Variants in SIAH1 observed in about 807,000 individuals in gnomAD.
SIAH1 encodes the protein siah E3 ubiquitin protein ligase 1.
A neutral mutation model predicts 20.0 loss-of-function variants in SIAH1; 2 were observed. The observed-to-expected ratio is 0.10, with a 90% confidence interval of 0.04 to 0.31. SIAH1 has a LOEUF of 0.31. Ranked by LOEUF, SIAH1 falls within the 10% of genes least tolerant of loss-of-function variation. SIAH1 has a pLI of 1.00. For synonymous variants in SIAH1, 118 were observed against 125.3 expected (o/e 0.94, Z 0.39); for missense variants, 119 against 355.3 (o/e 0.33, Z 5.35).
At chr16:48,365,567 A>T in intron 1 of SIAH1, 3 of 1,521,452 alleles carry the variant, frequency 2.0e-6, no homozygotes, top group Non-Finnish European at 1.8e-6. Flanking sequence ...CAGAAGACCC[A>T]AATTCGCGTC....
At chr16:48,370,940 G>T (rs1960970008) in intron 1 of SIAH1, among the ~76,000 whole-genome samples, 2 of 151,734 alleles carry the variant, frequency 1.3e-5, no homozygotes, top group Admixed American at 1.3e-4. Context: ...GTGGTAAAAA[G>T]TTGTCTCTAC....
At chr16:48,366,507 T>TAAGA (rs149188411) in intron 1 of SIAH1, among the ~76,000 whole-genome samples, 52 of 152,330 alleles carry the variant, frequency 3.4e-4, no homozygotes, top group African/African-American at 1.2e-3. Flanking sequence ...TTAAACCTCC[T>TAAGA]AAGAGATTAT....
intron 1 of SIAH1, among the ~76,000 whole-genome samples, chr16:48,384,784 T>C (rs1389979243): frequency 6.7e-6 from 1 of 150,346 alleles, no homozygotes; most frequent in Non-Finnish European, 1.5e-5. Flanking sequence ...ACCTCCGCCA[T>C]GTTGGCCGCA....
At chr16:48,364,529 A>G (rs1184734338) in intron 1 of SIAH1, among the ~76,000 whole-genome samples, 1 of 152,236 alleles carries the variant, frequency 6.6e-6, no homozygotes, top group Non-Finnish European at 1.5e-5. Context: ...GACTCAGAAC[A>G]TGAATCAACT....
chr16:48,367,801 G>A (rs578011268), intron 1 of SIAH1, among the ~76,000 whole-genome samples: 3 of 151,976 alleles, frequency 2.0e-5, no homozygotes, highest in Admixed American at 1.3e-4. Context: ...TTTACAAAAA[G>A]CTGAAAAGTT....
rs545578567 is a variant in SIAH1, at chr16:48,361,275, A to G, written c.*305T>C. On this transcript the variant is annotated 3_prime_UTR_variant, in exon 2 of 2. Transcript: ENST00000394725. ...CAAAAACAAACTTTTTCAACAATAC[A>G]ATCAATCTACAACAAACACAAAACT... 5 of 301,052 alleles carry G rather than the reference A, an allele frequency of 1.7e-5. No homozygotes were observed. Among genetic ancestry groups the G allele is most frequent in the Non-Finnish European group, 6.4e-6 (1 of 156,606 alleles). 18.6% of individuals were successfully genotyped at this position (301,052 alleles called of 1,614,324 possible). A position where few individuals can be genotyped will look rare whatever the true frequency, so the allele number is the denominator to read the frequency against.
intron 1 of SIAH1, chr16:48,365,536 G>T: frequency 6.3e-7 from 1 of 1,577,682 alleles, no homozygotes; most frequent in South Asian, 1.1e-5. Context: ...GCCCCTCCTG[G>T]GCTCTTTCTG....
chr16:48,382,361 G>A (rs1276460752), intron 1 of SIAH1, among the ~76,000 whole-genome samples: 1 of 151,864 alleles, frequency 6.6e-6, no homozygotes, highest in Admixed American at 6.6e-5. Context: ...TCCAGCCTGG[G>A]CAACATAGCA....
upstream of SIAH1, among the ~76,000 whole-genome samples, chr16:48,385,785 G>A (rs1961449378): frequency 2.0e-5 from 3 of 152,054 alleles, no homozygotes; most frequent in South Asian, 2.1e-4. Flanking sequence ...CCAGCGGGAT[G>A]CGAGCCCCAG....
At chr16:48,384,781 C>T (rs914207687) in intron 1 of SIAH1, among the ~76,000 whole-genome samples, 5 of 150,994 alleles carry the variant, frequency 3.3e-5, no homozygotes, top group Non-Finnish European at 7.4e-5. Context: ...CTGACCTCCG[C>T]CATGTTGGCC....
chr16:48,368,050 GAT>G, intron 1 of SIAH1, among the ~76,000 whole-genome samples: 1 of 152,316 alleles, frequency 6.6e-6, no homozygotes, highest in African/African-American at 2.4e-5. Flanking sequence ...ACAGTAGAAA[GAT>G]AAACTTTTAT....
At chr16:48,377,258 AAAAAC>A (rs954809072) in intron 1 of SIAH1, among the ~76,000 whole-genome samples, 2 of 152,338 alleles carry the variant, frequency 1.3e-5, no homozygotes, top group Non-Finnish European at 2.9e-5. Context: ...AAAAAAAACC[AAAAAC>A]AAAACAAAAC....
chr16:48,384,981 C>A (rs928046350), intron 1 of SIAH1, among the ~76,000 whole-genome samples: 2 of 146,286 alleles, frequency 1.4e-5, no homozygotes, highest in Non-Finnish European at 3.0e-5. Context: ...GCTCCAGGGG[C>A]GGGGGCGAGC....
At chr16:48,367,491 G>A (rs1960871715) in intron 1 of SIAH1, among the ~76,000 whole-genome samples, 1 of 152,194 alleles carries the variant, frequency 6.6e-6, no homozygotes, top group African/African-American at 2.4e-5. Flanking sequence ...ACCAGTTGTT[G>A]AGCTGTAAAA....
chr16:48,366,007 T>G, intron 1 of SIAH1: 1 of 694,940 alleles, frequency 1.4e-6, no homozygotes, highest in Non-Finnish European at 1.9e-6. Context: ...CACAGGGCGA[T>G]GCCCGTCTTG....
In SIAH1 at chr16:48,361,520, G is replaced by T. The variant is rs1453235478; in HGVS notation, c.*60C>A. The T allele has an allele frequency of 4.5e-6, 7 of 1,556,252 alleles. No individual in the cohort carries two copies. Among genetic ancestry groups the T allele is most frequent in the Non-Finnish European group, 6.1e-6 (7 of 1,138,310 alleles). The stretch of plus-strand genomic sequence containing the variant: ...GTTTTAGGTTGGCAGACAGATGGGT[G>T]CCTTATTTTCTGTGAAACTGAAGTT... On this transcript the variant is annotated 3_prime_UTR_variant, in exon 2 of 2. Coordinates refer to ENST00000394725, the MANE Select transcript of SIAH1 (RefSeq NM_003031.4).
At chr16:48,371,007 C>T (rs1442813206) in intron 1 of SIAH1, among the ~76,000 whole-genome samples, 3 of 150,774 alleles carry the variant, frequency 2.0e-5, no homozygotes, top group South Asian at 2.1e-4. Flanking sequence ...CCAGCTACTA[C>T]GGAAGCTGAG....
intron 1 of SIAH1, chr16:48,363,579 A>T (rs1960697982): frequency 1.2e-5 from 2 of 167,068 alleles, no homozygotes; most frequent in Admixed American, 1.3e-4. Flanking sequence ...ACAAAGGAGG[A>T]CAGTCAGGAA....
intron 1 of SIAH1, among the ~76,000 whole-genome samples, chr16:48,374,502 G>T (rs1961055751): frequency 6.6e-6 from 1 of 152,148 alleles, no homozygotes; most frequent in South Asian, 2.1e-4. Context: ...GCTCCTGGAA[G>T]ATAAGCTCTT....
Sources: allele counts gnomAD v4.1 joint callset (sites outside exome capture counted in the v4.1 genomes callset), GRCh38; gene constraint gnomAD v4.1.1; transcripts MANE v1.5; gene names NCBI Gene and HGNC (gene_info 2026-07-23, HGNC 2026-07-21).